SAMMSON: variants seen among roughly 807,000 people sequenced by gnomAD.
SAMMSON encodes survival associated mitochondrial melanoma specific oncogenic non-coding RNA.
intron 4 of SAMMSON, among the ~76,000 whole-genome samples, chr3:70,123,652 A>G (rs2067444199): frequency 6.6e-6 from 1 of 152,200 alleles, no homozygotes; most frequent in African/African-American, 2.4e-5. Flanking sequence ...CTTGGAAACC[A>G]GTGTTCTGGG....
chr3:70,210,125 A>C (rs1701328986), intron 4 of SAMMSON, among the ~76,000 whole-genome samples: 1 of 152,148 alleles, frequency 6.6e-6, no homozygotes, highest in Admixed American at 6.6e-5. Context: ...ACTGGAATGT[A>C]AGAACATGCG....
intron 3 of SAMMSON, chr3:70,013,898 G>A (rs917651608): frequency 5.3e-5 from 8 of 152,082 alleles, no homozygotes; most frequent in Non-Finnish European, 1.0e-4. Flanking sequence ...AGATCCAACG[G>A]CTCTCTGGAA....
chr3:70,301,502 T>C (rs1702348620), intron 7 of SAMMSON, among the ~76,000 whole-genome samples: 1 of 152,138 alleles, frequency 6.6e-6, no homozygotes, highest in Admixed American at 6.6e-5. Flanking sequence ...GGAATCTCTG[T>C]GTATTCCTTG....
intron 4 of SAMMSON, among the ~76,000 whole-genome samples, chr3:70,111,588 C>G (rs1261786048): frequency 1.3e-5 from 2 of 152,090 alleles, no homozygotes; most frequent in African/African-American, 4.8e-5. Flanking sequence ...GGAAGTGATT[C>G]ACTACTAGGG....
chr3:70,359,359 C>T (rs1055887398), intron 9 of SAMMSON, among the ~76,000 whole-genome samples: 2 of 152,040 alleles, frequency 1.3e-5, no homozygotes, highest in Admixed American at 1.3e-4. Context: ...TGAAAAATAG[C>T]CAGGTTTTGA....
intron 4 of SAMMSON, among the ~76,000 whole-genome samples, chr3:70,228,335 A>C (rs1008137514): frequency 2.0e-5 from 3 of 152,112 alleles, no homozygotes; most frequent in Admixed American, 1.3e-4. Context: ...TTCTTTAATC[A>C]AAGTTTCATT....
chr3:70,145,240 C>G (rs1448583534), intron 4 of SAMMSON, among the ~76,000 whole-genome samples: 1 of 152,086 alleles, frequency 6.6e-6, no homozygotes, highest in East Asian at 1.9e-4. Context: ...AGGAAACAGA[C>G]AAGTCCACAA....
chr3:70,235,772 C>T (rs1057037128), intron 4 of SAMMSON, among the ~76,000 whole-genome samples: 2 of 152,092 alleles, frequency 1.3e-5, no homozygotes, highest in Non-Finnish European at 2.9e-5. Flanking sequence ...ACAAATTATC[C>T]CTTGTCACTA....
intron 9 of SAMMSON, among the ~76,000 whole-genome samples, chr3:70,379,011 ATTTATTTATTTATTTAT>A (rs1187295995): frequency 7.2e-4 from 108 of 150,296 alleles, no homozygotes; most frequent in African/African-American, 2.5e-3. Flanking sequence ...TTATTTATTT[ATTTATTTATTTATTTAT>A]TTTAAGACGG....
chr3:70,324,356 G>A (rs1183505209), intron 7 of SAMMSON, among the ~76,000 whole-genome samples: 1 of 151,920 alleles, frequency 6.6e-6, no homozygotes, highest in African/African-American at 2.4e-5. Flanking sequence ...CGGCCCTGAA[G>A]GTCTGTATTA....
At chr3:70,138,709 A>G (rs779883302) in intron 4 of SAMMSON, among the ~76,000 whole-genome samples, 5 of 152,222 alleles carry the variant, frequency 3.3e-5, no homozygotes, top group Non-Finnish European at 4.4e-5. Flanking sequence ...TTAAATGTTT[A>G]AAGTCCAAAG....
At chr3:70,332,784 CG>C (rs1194673445) in intron 7 of SAMMSON, 1 of 152,152 alleles carries the variant, frequency 6.6e-6, no homozygotes, top group Non-Finnish European at 1.5e-5. Context: ...TTAGTAGAGA[CG>C]GGGTTTCACC....
At chr3:70,336,055 A>G (rs973472738) in intron 7 of SAMMSON, among the ~76,000 whole-genome samples, 2 of 152,034 alleles carry the variant, frequency 1.3e-5, no homozygotes, top group African/African-American at 4.8e-5. Flanking sequence ...CATATTCTAA[A>G]TGAATAGACT....
intron 2 of SAMMSON, among the ~76,000 whole-genome samples, chr3:70,412,102 C>G (rs1159359836): frequency 6.6e-6 from 1 of 152,052 alleles, no homozygotes; most frequent in Non-Finnish European, 1.5e-5. Flanking sequence ...TGAGGGGAAG[C>G]TTTTAAAGGA....
rs182172774 is a variant in SAMMSON, at chr3:70,426,380, G to A, written n.234-36180G>A. 3.9e-5 allele frequency among the ~76,000 whole-genome samples: 6 copies of A among 152,338 alleles called. No homozygotes were observed. The East Asian group carries it at 1.2e-3, about 29-fold the overall frequency. On this transcript the variant is annotated intron_variant and non_coding_transcript_variant, in intron 2 of 3. Transcript: ENST00000641053. ...ACTATGACTGAAGCAGAGATTGGAA[G>A]AGGAACTATAAACACTAAATCATTT...
At chr3:70,136,838 G>C (rs201194682) in intron 4 of SAMMSON, among the ~76,000 whole-genome samples, 1 of 5,772 alleles carries the variant, frequency 1.7e-4, no homozygotes, top group Non-Finnish European at 6.6e-4. Flanking sequence ...TTATGTCATT[G>C]AAGTTTTGAT....
At chr3:70,255,509 C>G (rs1701807680) in intron 6 of SAMMSON, among the ~76,000 whole-genome samples, 2 of 152,158 alleles carry the variant, frequency 1.3e-5, no homozygotes, top group Non-Finnish European at 2.9e-5. Flanking sequence ...GCAGCCTTGA[C>G]CACCTGGGCT....
chr3:70,131,753 T>C (rs1043758155), intron 4 of SAMMSON, among the ~76,000 whole-genome samples: 3 of 152,096 alleles, frequency 2.0e-5, no homozygotes, highest in Non-Finnish European at 4.4e-5. Flanking sequence ...GCTAGTTTTT[T>C]TGATTTTTTA....
chr3:70,030,422 T>C (rs1159934318), intron 3 of SAMMSON: 1 of 152,206 alleles, frequency 6.6e-6, no homozygotes, highest in Admixed American at 6.5e-5. Context: ...TCTACAAATA[T>C]AACCAGATAG....
Sources: gnomAD v4.1 joint callset for allele counts (sites outside exome capture counted in the v4.1 genomes callset) on GRCh38, gnomAD v4.1.1 for gene constraint, MANE v1.5 for transcripts, NCBI Gene and HGNC (gene_info 2026-07-23, HGNC 2026-07-21) for gene names.